PRKN: variants seen among roughly 807,000 people sequenced by gnomAD.
The protein encoded by PRKN is parkin RBR E3 ubiquitin protein ligase.
In PRKN, 56 loss-of-function variants were observed where a neutral mutation model predicts 59.5. That is an observed-to-expected ratio of 0.94 (90% CI 0.76 to 1.18). The LOEUF (loss-of-function observed/expected upper bound fraction) is 1.18, where lower values mean the gene tolerates loss of function less well. Ranked by LOEUF, PRKN falls within the 50% of genes most tolerant of loss-of-function variation. The pLI, the probability that PRKN is intolerant of heterozygous loss-of-function variation, is 0.00. For synonymous variants in PRKN, 250 were observed against 222.1 expected (o/e 1.13, Z -1.12); for missense variants, 657 against 596.4 (o/e 1.10, Z -1.06).
At chr6:162,615,175 A>G (rs1257102048) in intron 1 of PRKN, among the ~76,000 whole-genome samples, 1 of 152,212 alleles carries the variant, frequency 6.6e-6, no homozygotes, top group African/African-American at 2.4e-5. Context: ...CATATCAAAA[A>G]AAATTTCCCA....
At chr6:162,140,852 G>C (rs1781747950) in intron 4 of PRKN, among the ~76,000 whole-genome samples, 1 of 152,278 alleles carries the variant, frequency 6.6e-6, no homozygotes, top group South Asian at 2.1e-4. Context: ...ATGATGGCCG[G>C]GTGCAGTGGC....
chr6:161,831,124 T>C (rs143993838), intron 6 of PRKN, among the ~76,000 whole-genome samples: 13 of 152,312 alleles, frequency 8.5e-5, no homozygotes, highest in African/African-American at 7.2e-5. Flanking sequence ...ATAAAGGGGA[T>C]TGAACTCACA....
intron 1 of PRKN, among the ~76,000 whole-genome samples, chr6:162,465,692 C>T (rs548784700): frequency 1.5e-4 from 20 of 130,618 alleles, no homozygotes; most frequent in South Asian, 1.4e-3. Context: ...GTGACAATGG[C>T]AGGGAAGAAA....
At chr6:162,478,659 T>C (rs1051919374) in intron 1 of PRKN, among the ~76,000 whole-genome samples, 1 of 152,122 alleles carries the variant, frequency 6.6e-6, no homozygotes, top group Non-Finnish European at 1.5e-5. Context: ...GGGGATTTTG[T>C]TTTGGGAACA....
At chr6:162,374,768 A>C in intron 2 of PRKN, among the ~76,000 whole-genome samples, 1 of 152,088 alleles carries the variant, frequency 6.6e-6, no homozygotes, top group East Asian at 1.9e-4. Flanking sequence ...CATTTGAGAA[A>C]ATATAGTATT....
chr6:162,204,873 T>A (rs1380663352), intron 3 of PRKN, among the ~76,000 whole-genome samples: 2 of 151,768 alleles, frequency 1.3e-5, no homozygotes, highest in Non-Finnish European at 2.9e-5. Flanking sequence ...TTTTCTTTTT[T>A]CTTTTTTGAG....
chr6:161,957,524 A>G (rs1780224809), intron 6 of PRKN, among the ~76,000 whole-genome samples: 1 of 151,092 alleles, frequency 6.6e-6, no homozygotes, highest in South Asian at 2.1e-4. Flanking sequence ...TCCTGCGTTC[A>G]AGCGATCCTC....
intron 6 of PRKN, among the ~76,000 whole-genome samples, chr6:161,794,348 T>A (rs994869459): frequency 2.0e-5 from 3 of 152,030 alleles, no homozygotes; most frequent in African/African-American, 7.2e-5. Flanking sequence ...CCCAGAGCAA[T>A]GGATTAGGTC....
At chr6:162,512,306 A>C (rs1424091758) in intron 1 of PRKN, among the ~76,000 whole-genome samples, 1 of 152,198 alleles carries the variant, frequency 6.6e-6, no homozygotes, top group Non-Finnish European at 1.5e-5. Flanking sequence ...AATTTAGCAC[A>C]AAGTATACCT....
rs34838356 is a variant in PRKN at position 162,414,726 on chromosome 6, A to AAAAAAGT, written c.171+28583_171+28584insACTTTTT. ...ACTCCGTCTCAAAAAAAAAAAAAAA[A>AAAAAAGT]AGTGAATCTTTGAAGTTTTAAAATA... On this transcript the variant is annotated intron_variant, in intron 2 of 11. Coordinates refer to ENST00000366898, the MANE Select transcript of PRKN (RefSeq NM_004562.3). 1.6e-4 allele frequency among the ~76,000 whole-genome samples: 15 copies of AAAAAAGT among 91,870 alleles called. 1 individual carries two copies. The highest frequency in any genetic ancestry group is 8.3e-4 in the Admixed American group (7 of 8,438). 60.3% of individuals were successfully genotyped at this position (91,870 alleles called of 152,430 possible).
chr6:162,538,827 C>A (rs1326382204), intron 1 of PRKN, among the ~76,000 whole-genome samples: 1 of 152,158 alleles, frequency 6.6e-6, no homozygotes, highest in Non-Finnish European at 1.5e-5. Flanking sequence ...GGGGAAAAGG[C>A]ACATTAAAAA....
At chr6:162,671,413 G>C (rs1779311806) in intron 1 of PRKN, among the ~76,000 whole-genome samples, 1 of 151,530 alleles carries the variant, frequency 6.6e-6, no homozygotes, top group Non-Finnish European at 1.5e-5. Flanking sequence ...GCAGAAGAAT[G>C]GCTTGAACCC....
At chr6:161,959,701 G>A (rs1234513911) in intron 6 of PRKN, among the ~76,000 whole-genome samples, 2 of 152,042 alleles carry the variant, frequency 1.3e-5, no homozygotes, top group Non-Finnish European at 2.9e-5. Flanking sequence ...TAAATGCCTC[G>A]TTTCTAAAAA....
At chr6:161,439,764 A>C (rs1178575164) in intron 9 of PRKN, among the ~76,000 whole-genome samples, 1 of 152,094 alleles carries the variant, frequency 6.6e-6, no homozygotes, top group African/African-American at 2.4e-5. Flanking sequence ...AAGAAAACAG[A>C]TGATAAGAGA....
chr6:162,051,478 C>A (rs774169797), intron 5 of PRKN, among the ~76,000 whole-genome samples: 6 of 152,206 alleles, frequency 3.9e-5, no homozygotes, highest in Non-Finnish European at 7.3e-5. Flanking sequence ...GGTCTTAGGG[C>A]TGCTGTGCAC....
chr6:162,266,708 A>G (rs1008563252), intron 2 of PRKN, among the ~76,000 whole-genome samples: 1 of 152,192 alleles, frequency 6.6e-6, no homozygotes, highest in Non-Finnish European at 1.5e-5. Context: ...TGACAATAAT[A>G]TATCAACTTT....
rs917920976 is a variant in PRKN, at chr6:161,356,445, A to G, written c.1285+3643T>C. 2.0e-5 allele frequency among the ~76,000 whole-genome samples: 3 copies of G among 152,214 alleles called. No homozygotes were observed. The highest frequency in any genetic ancestry group is 4.4e-5 in the Non-Finnish European group (3 of 68,040). On this transcript the variant is annotated intron_variant, in intron 11 of 11. Coordinates refer to ENST00000366898, the MANE Select transcript of PRKN (RefSeq NM_004562.3). The surrounding 1 kb of genome is among the most constrained non-coding windows in gnomAD (Gnocchi z 7.8). ...ACCCCCGGGGGGAAGGGCAGGACTG[A>G]CATGGCCTTTGAGAAGTCTACACGT...
intron 2 of PRKN, among the ~76,000 whole-genome samples, chr6:162,416,370 T>C (rs1377120219): frequency 1.3e-5 from 2 of 152,160 alleles, no homozygotes; most frequent in Non-Finnish European, 2.9e-5. Context: ...TGCTAAGAGG[T>C]GGTAAGGATG....
chr6:161,548,898 G>A lies in PRKN; in HGVS notation c.1039C>T (p.Gln347Ter). 1 of 1,614,128 alleles carries A rather than the reference G, an allele frequency of 6.2e-7. No individual in the cohort carries two copies. Among genetic ancestry groups the A allele is most frequent in the East Asian group, 2.2e-5 (1 of 44,866 alleles). ...CGAGLLPEPD[Q>*]RKVTCEGGNG... ...CCCCCTTCGCAGGTGACTTTCCTCTGGTCAGGCTCCGGCAGCAGCCCCGCT... is the reference window on the plus strand; with the variant it reads ...CCCCCTTCGCAGGTGACTTTCCTCTAGTCAGGCTCCGGCAGCAGCCCCGCT... Residue 347 changes from glutamine (Q) to a stop codon, truncating the protein, a stop_gained, in exon 9 of 12, where the codon CAG (glutamine) becomes TAG (stop). Coordinates refer to ENST00000366898, the MANE Select transcript of PRKN (RefSeq NM_004562.3). LOFTEE classifies it high-confidence loss of function. The surrounding 1 kb of genome is among the most constrained non-coding windows in gnomAD (Gnocchi z 4.2).
Sources: allele counts gnomAD v4.1 joint callset (sites outside exome capture counted in the v4.1 genomes callset), GRCh38; gene constraint gnomAD v4.1.1; non-coding constraint Gnocchi (gnomAD v3.1); transcripts MANE v1.5; gene names NCBI Gene and HGNC (gene_info 2026-07-23, HGNC 2026-07-21).